Variants in RPGRIP1L observed in about 807,000 individuals in gnomAD.
RPGRIP1L encodes RPGRIP1 like.
In RPGRIP1L, 131 loss-of-function variants were observed where a neutral mutation model predicts 160.4. The ratio of observed to expected loss-of-function variants is 0.82; its 90% CI spans 0.71 to 0.94. RPGRIP1L has a LOEUF of 0.94. Ranked by LOEUF, RPGRIP1L falls within the 40% of genes least tolerant of loss-of-function variation. The pLI, the probability that RPGRIP1L is intolerant of heterozygous loss-of-function variation, is 0.00. For missense variants in RPGRIP1L, 1,522 were observed against 1,535.8 expected (o/e 0.99, Z 0.15); for synonymous variants, 510 against 515.8 (o/e 0.99, Z 0.15).
chr16:53,671,050 T>C (rs985619430), intron 9 of RPGRIP1L, among the ~76,000 whole-genome samples: 2 of 152,164 alleles, frequency 1.3e-5, no homozygotes, highest in African/African-American at 2.4e-5. Flanking sequence ...TGAGCCATGA[T>C]TGTGCCACTG....
chr16:53,699,563 C>T (rs982221308), intron 2 of RPGRIP1L, among the ~76,000 whole-genome samples: 10 of 152,210 alleles, frequency 6.6e-5, no homozygotes, highest in Non-Finnish European at 8.8e-5. Flanking sequence ...AATCACTTTG[C>T]ACACTTACAA....
intron 10 of RPGRIP1L, among the ~76,000 whole-genome samples, chr16:53,662,133 A>G (rs935520155): frequency 6.6e-6 from 1 of 152,160 alleles, no homozygotes; most frequent in Admixed American, 6.5e-5. Flanking sequence ...ATGAGATAAC[A>G]TTTCACTCTT....
intron 16 of RPGRIP1L, among the ~76,000 whole-genome samples, chr16:53,647,609 A>T (rs1966645270): frequency 1.3e-5 from 2 of 152,208 alleles, no homozygotes; most frequent in Non-Finnish European, 2.9e-5. Context: ...TAGTTATAAT[A>T]GGGTGGGGAG....
intron 6 of RPGRIP1L, among the ~76,000 whole-genome samples, chr16:53,682,814 C>A (rs1467372550): frequency 6.6e-6 from 1 of 152,162 alleles, no homozygotes; most frequent in African/African-American, 2.4e-5. Flanking sequence ...AAATCTAAAT[C>A]TTCTTCCTAC....
At chr16:53,668,078 T>TA (rs398029416) in intron 9 of RPGRIP1L, among the ~76,000 whole-genome samples, 6 of 151,620 alleles carry the variant, frequency 4.0e-5, no homozygotes, top group Admixed American at 3.3e-4. Flanking sequence ...TTTTTTTTTT[T>TA]AAATCATAGG....
chr16:53,619,472 C>G (rs564639967), intron 23 of RPGRIP1L, among the ~76,000 whole-genome samples: 4 of 152,274 alleles, frequency 2.6e-5, no homozygotes, highest in East Asian at 1.9e-4. Context: ...ATAAATACCC[C>G]ACTAGTAGTC....
At chr16:53,700,860 T>C (rs1971343806) in intron 1 of RPGRIP1L, 130 bp from the exon 2 acceptor site, 1 of 724,516 alleles carries the variant, frequency 1.4e-6, no homozygotes, top group East Asian at 2.7e-5. Context: ...ATGTGCTGCT[T>C]GGAGAAGATG....
At chr16:53,642,464 T>G (rs1343728994) in intron 17 of RPGRIP1L, among the ~76,000 whole-genome samples, 1 of 151,458 alleles carries the variant, frequency 6.6e-6, no homozygotes, top group African/African-American at 2.4e-5. Flanking sequence ...ACTCTAGACT[T>G]TGGGTAGGAT....
intron 15 of RPGRIP1L, among the ~76,000 whole-genome samples, 183 bp from the exon 16 acceptor site, chr16:53,649,298 T>C (rs1272471950): frequency 3.3e-5 from 5 of 152,210 alleles, no homozygotes; most frequent in Admixed American, 6.5e-5. Flanking sequence ...ACTTCTGAAG[T>C]ATGAGTTTCA....
rs766718598 is a variant in RPGRIP1L at position 53,601,264 on chromosome 16, A to T, written c.*812T>A. On this transcript the variant is annotated 3_prime_UTR_variant, in exon 27 of 27. Coordinates refer to ENST00000647211, the MANE Select transcript of RPGRIP1L (RefSeq NM_015272.5). ...GTCTAACTAAGCATATCAGAATTTGAGTTATACTTTTCATAATTTCTTTCT... is the reference window on the plus strand; with the variant it reads ...GTCTAACTAAGCATATCAGAATTTGTGTTATACTTTTCATAATTTCTTTCT... The T allele has an allele frequency of 6.6e-6, 1 of 152,468 alleles. No individual in the cohort carries two copies. Among genetic ancestry groups the T allele is most frequent in the Non-Finnish European group, 1.5e-5 (1 of 68,032 alleles). The allele number at this position is 152,468 out of a possible 1,614,324, so 9.4% of individuals were successfully genotyped here.
chr16:53,659,088 A>C lies in RPGRIP1L; in HGVS notation c.1244-210T>G, dbSNP rs1967539346. 4 of 633,542 alleles carry C rather than the reference A, an allele frequency of 6.3e-6. No individual in the cohort carries two copies. The East Asian group carries it at 1.3e-4, about 21-fold the overall frequency. The allele number at this position is 633,542 out of a possible 1,614,324, so 39.2% of individuals were successfully genotyped here. A position where few individuals can be genotyped will look rare whatever the true frequency, so the allele number is the denominator to read the frequency against. On this transcript the variant is annotated intron_variant, in intron 10 of 26. Transcript: ENST00000647211. ...TGTCTACCATATGATTCACTTGCTC[A>C]TCAAAAACCCAAGACATAAGTTCAC...
At chr16:53,702,568 G>C (rs1344464637) in intron 1 of RPGRIP1L, among the ~76,000 whole-genome samples, 3 of 152,056 alleles carry the variant, frequency 2.0e-5, no homozygotes, top group Non-Finnish European at 4.4e-5. Flanking sequence ...CAAGGCCTTT[G>C]TATTAGCTGG....
At position 53,652,939 on chromosome 16, in the gene RPGRIP1L, G is replaced by C. The variant is rs548348340; in HGVS notation, c.1748C>G (p.Pro583Arg). ...AYGTKQYKFK[P>R]EIMPDDSVDE... ...AACAGAGTCATCTGGCATGATTTCT[G>C]GTTTAAATTTGTACTGCTTGGTGCC... The change falls in exon 15 of 27, where the codon CCA (proline) becomes CGA (arginine). Residue 583 changes from proline to arginine, a missense_variant. By Grantham distance (103) the Pro-to-Arg change is moderately radical (BLOSUM62 -2). Coordinates refer to ENST00000647211, the MANE Select transcript of RPGRIP1L (RefSeq NM_015272.5). 6.2e-7 allele frequency: 1 copy of C among 1,613,754 alleles called. No individual in the cohort carries two copies. The highest frequency in any genetic ancestry group is 1.1e-5 in the South Asian group (1 of 90,932).
At chr16:53,690,696 T>C (rs1005264521) in intron 4 of RPGRIP1L, among the ~76,000 whole-genome samples, 9 of 152,154 alleles carry the variant, frequency 5.9e-5, no homozygotes, top group Middle Eastern at 3.2e-3. Context: ...CAGTTCCAGA[T>C]GGCAAAACTA....
At chr16:53,666,821 C>T (rs1567858577) in intron 9 of RPGRIP1L, among the ~76,000 whole-genome samples, 1 of 152,068 alleles carries the variant, frequency 6.6e-6, no homozygotes, top group Non-Finnish European at 1.5e-5. Flanking sequence ...AAATTAAGAA[C>T]AATTTAGCGG....
At position 53,600,981 on chromosome 16, in the gene RPGRIP1L, C is replaced by T. The variant is rs1963352459; in HGVS notation, c.*1095G>A. 6.6e-6 allele frequency: 1 copy of T among 152,482 alleles called. No individual in the cohort carries two copies. Among genetic ancestry groups the T allele is most frequent in the African/African-American group, 2.4e-5 (1 of 41,394 alleles). The allele number at this position is 152,482 out of a possible 1,614,324, so 9.4% of individuals were successfully genotyped here. On this transcript the variant is annotated 3_prime_UTR_variant, in exon 27 of 27. Coordinates refer to ENST00000647211, the MANE Select transcript of RPGRIP1L (RefSeq NM_015272.5). ...GTGAAAACCCACAGCCTATAAAAAT[C>T]CTTTGAAGAAAATGACAAATAAAAA...
At chr16:53,630,878 G>A (rs905283053) in intron 22 of RPGRIP1L, among the ~76,000 whole-genome samples, 2 of 151,984 alleles carry the variant, frequency 1.3e-5, no homozygotes, top group Non-Finnish European at 2.9e-5. Flanking sequence ...AATTACAGGT[G>A]CCCGCCAACA....
chr16:53,682,124 A>C (rs191157742), intron 6 of RPGRIP1L, among the ~76,000 whole-genome samples: 36 of 152,330 alleles, frequency 2.4e-4, no homozygotes, highest in African/African-American at 6.0e-4. Context: ...CAATTTCAAC[A>C]ACTGTATTTC....
intron 22 of RPGRIP1L, chr16:53,628,594 G>A (rs1965321733): frequency 6.6e-6 from 1 of 152,048 alleles, no homozygotes; most frequent in South Asian, 2.1e-4. Context: ...AACAACTGTT[G>A]ATTATTTAAA....
Sources: allele counts gnomAD v4.1 joint callset (sites outside exome capture counted in the v4.1 genomes callset), GRCh38; gene constraint gnomAD v4.1.1; transcripts MANE v1.5; gene names NCBI Gene and HGNC (gene_info 2026-07-23, HGNC 2026-07-21).